WDR72: variants seen among roughly 807,000 people sequenced by gnomAD.
WDR72 encodes WD repeat-containing protein 72.
A neutral mutation model predicts 124.2 loss-of-function variants in WDR72; 120 were observed. That is an observed-to-expected ratio of 0.97 (90% CI 0.83 to 1.12). WDR72 has a LOEUF of 1.12. WDR72 is among the 50% of genes most tolerant of loss of function. The pLI is 0.00. For synonymous variants in WDR72, 452 were observed against 441.7 expected (o/e 1.02, Z -0.29); for missense variants, 1,387 against 1,278.8 (o/e 1.08, Z -1.29).
At chr15:53,552,517 T>C (rs1322813449) in intron 18 of WDR72, among the ~76,000 whole-genome samples, 2 of 152,188 alleles carry the variant, frequency 1.3e-5, no homozygotes, top group African/African-American at 4.8e-5. Flanking sequence ...TTCTTCAATA[T>C]TGCTTGTTAA....
In WDR72 at chr15:53,750,632, T is replaced by C. The variant is rs1397427056; in HGVS notation, c.-13+9001A>G. Among the ~76,000 whole-genome samples the C allele has an allele frequency of 2.0e-5, 3 of 152,180 alleles. No homozygotes were observed. The East Asian group carries it at 5.8e-4, about 29-fold the overall frequency. On this transcript the variant is annotated intron_variant, in intron 1 of 19. Coordinates refer to ENST00000360509, the MANE Select transcript of WDR72 (RefSeq NM_182758.4). ...CTCTGATATACCTGGACAAAGTCAATTGAAAACTTTCTGGAAAAGGTTCAC... is the reference window on the plus strand; with the variant it reads ...CTCTGATATACCTGGACAAAGTCAACTGAAAACTTTCTGGAAAAGGTTCAC...
intron 13 of WDR72, among the ~76,000 whole-genome samples, chr15:53,689,738 A>C (rs1464218320): frequency 1.3e-5 from 2 of 151,948 alleles, no homozygotes; most frequent in Non-Finnish European, 2.9e-5. Flanking sequence ...AGGACTATGA[A>C]TCATGCTGCT....
At chr15:53,757,706 TACTA>T (rs1278200658) in intron 1 of WDR72, among the ~76,000 whole-genome samples, 1 of 152,208 alleles carries the variant, frequency 6.6e-6, no homozygotes, top group Non-Finnish European at 1.5e-5. Flanking sequence ...GCAACATTAT[TACTA>T]ACATTATTAT....
intron 18 of WDR72, among the ~76,000 whole-genome samples, chr15:53,541,370 C>T (rs1463152041): frequency 6.6e-6 from 1 of 152,028 alleles, no homozygotes; most frequent in African/African-American, 2.4e-5. Flanking sequence ...GAGGCACCCC[C>T]CAGCAGGGGC....
At chr15:53,553,996 T>C (rs1893833396) in intron 18 of WDR72, among the ~76,000 whole-genome samples, 1 of 152,298 alleles carries the variant, frequency 6.6e-6, no homozygotes, top group African/African-American at 2.4e-5. Context: ...AATGTTTACA[T>C]TCTTTTTGAT....
upstream of WDR72, among the ~76,000 whole-genome samples, chr15:53,760,452 G>A (rs1466151114): frequency 1.3e-5 from 2 of 151,996 alleles, no homozygotes; most frequent in African/African-American, 2.4e-5. Flanking sequence ...CGGTGCCTGG[G>A]TTATTTCACT....
upstream of WDR72, among the ~76,000 whole-genome samples, chr15:53,761,837 C>CAATCGAACAAAAAA (rs56685517): frequency 6.6e-6 from 1 of 151,902 alleles, no homozygotes; most frequent in Non-Finnish European, 1.5e-5. Flanking sequence ...AAAACAAAAA[C>CAATCGAACAAAAAA]CCAAAGCAGA....
At chr15:53,523,192 C>T (rs1891893924) in intron 19 of WDR72, 26 bp downstream of exon 19, 14 of 1,603,902 alleles carry the variant, frequency 8.7e-6, no homozygotes, top group African/African-American at 1.3e-5. Context: ...TCATTTTATA[C>T]TTGACTATTT....
At chr15:53,618,695 A>C (rs2013865713) in intron 14 of WDR72, among the ~76,000 whole-genome samples, 1 of 151,854 alleles carries the variant, frequency 6.6e-6, no homozygotes, top group South Asian at 2.1e-4. Context: ...GTTTGATGAG[A>C]TCCTTTTGGC....
At chr15:53,543,369 C>A (rs140181869) in intron 18 of WDR72, among the ~76,000 whole-genome samples, 28,943 of 152,020 alleles carry the variant, frequency 0.19, 2,882 homozygotes, top group Middle Eastern at 0.24. Flanking sequence ...TACATGGAAA[C>A]TGAACAACCT....
intron 18 of WDR72, among the ~76,000 whole-genome samples, chr15:53,571,293 AAAAC>A (rs1206255317): frequency 2.0e-5 from 3 of 151,454 alleles, no homozygotes; most frequent in African/African-American, 7.3e-5. Flanking sequence ...TAAAAACAAA[AAAAC>A]AAACAAAACA....
At chr15:53,661,199 T>C (rs2015598110) in intron 14 of WDR72, among the ~76,000 whole-genome samples, 1 of 152,212 alleles carries the variant, frequency 6.6e-6, no homozygotes, top group Non-Finnish European at 1.5e-5. Context: ...ATTTTTTCTG[T>C]TGCTATAAAG....
intron 13 of WDR72, among the ~76,000 whole-genome samples, chr15:53,685,274 G>A (rs1287510451): frequency 2.8e-5 from 4 of 141,874 alleles, no homozygotes; most frequent in African/African-American, 1.1e-4. Flanking sequence ...AGCTATGGGA[G>A]GACATTCAAA....
intron 12 of WDR72, among the ~76,000 whole-genome samples, chr15:53,701,515 T>C (rs1007937171): frequency 6.8e-6 from 1 of 146,822 alleles, no homozygotes; most frequent in Middle Eastern, 3.5e-3. Context: ...TACTCCAGCC[T>C]GGATGACAAA....
At chr15:53,701,078 T>C (rs542961427) in intron 12 of WDR72, among the ~76,000 whole-genome samples, 37 of 152,326 alleles carry the variant, frequency 2.4e-4, no homozygotes, top group African/African-American at 7.7e-4. Flanking sequence ...AAAAGTTGGT[T>C]GTTCATGTTT....
intron 16 of WDR72, 111 bp from the exon 17 acceptor site, chr15:53,609,703 C>A: frequency 1.2e-6 from 1 of 852,086 alleles, no homozygotes; most frequent in Non-Finnish European, 1.9e-6. Context: ...TTTATAAACA[C>A]CAATGCCCAG....
rs535685609 is a variant in WDR72 at position 53,721,830 on chromosome 15, AT to A, written c.260+971del. Among the ~76,000 whole-genome samples the A allele has an allele frequency of 6.2e-3, 941 of 152,228 alleles. 5 individuals are homozygous for A. The highest frequency in any genetic ancestry group is 9.1e-3 in the Non-Finnish European group (617 of 68,024). Reference sequence around the variant, plus strand: ...GACATTCCTGAGTATATTTTGGAAAATAACTCATCAGGAGCCTAGTTCATAG... The same window carrying A: ...GACATTCCTGAGTATATTTTGGAAAAAACTCATCAGGAGCCTAGTTCATAG... On this transcript the variant is annotated intron_variant, in intron 3 of 19. Transcript: ENST00000360509.
chr15:53,546,929 TAGAA>T (rs1235776318), intron 18 of WDR72, among the ~76,000 whole-genome samples: 3 of 152,248 alleles, frequency 2.0e-5, no homozygotes, highest in East Asian at 1.9e-4. Flanking sequence ...TTGGTAGTGA[TAGAA>T]AGAGTAAGTA....
chr15:53,579,058 C>T lies in WDR72; in HGVS notation c.3148+18021G>A, dbSNP rs565668832. ...ATGAACTGCTGGACTGTTGCATGGACTCCTGATGAGGAAGGCCTGCTGCTG... is the reference window on the plus strand; with the variant it reads ...ATGAACTGCTGGACTGTTGCATGGATTCCTGATGAGGAAGGCCTGCTGCTG... On this transcript the variant is annotated intron_variant, in intron 18 of 19. Coordinates refer to ENST00000360509, the MANE Select transcript of WDR72 (RefSeq NM_182758.4). Among the ~76,000 whole-genome samples the T allele has an allele frequency of 2.0e-4, 30 of 152,198 alleles. No individual in the cohort carries two copies. In the South Asian group the frequency reaches 6.0e-3, roughly 31 times the overall value.
Sources: gnomAD v4.1 joint callset for allele counts (sites outside exome capture counted in the v4.1 genomes callset) on GRCh38, gnomAD v4.1.1 for gene constraint, MANE v1.5 for transcripts, NCBI Gene and HGNC (gene_info 2026-07-23, HGNC 2026-07-21) for gene names.